The following RAB33B variants were observed in gnomAD, a reference collection of about 807,000 sequenced individuals.
RAB33B encodes the protein ras-related protein Rab-33B.
Under a neutral mutation model 15.0 loss-of-function variants are expected in RAB33B, and 6 were observed. The ratio of observed to expected loss-of-function variants is 0.40; its 90% confidence interval spans 0.22 to 0.79. RAB33B has a LOEUF of 0.79. RAB33B is among the 30% of genes least tolerant of loss of function. RAB33B has a pLI of 0.37. For synonymous variants in RAB33B, 117 were observed against 108.3 expected, an observed-to-expected ratio of 1.08 and a Z score of -0.50; for missense variants, 257 against 296.4, an observed-to-expected ratio of 0.87 and a Z score of 0.98.
chr4:139,462,430 T>C (rs1750191571), intron 1 of RAB33B, among the ~76,000 whole-genome samples: 1 of 152,230 alleles, frequency 6.6e-6, no homozygotes, highest in Non-Finnish European at 1.5e-5. Flanking sequence ...CTCTTTTTGC[T>C]TGACCTAAAA....
At chr4:139,466,537 T>C (rs1561006007) in intron 1 of RAB33B, among the ~76,000 whole-genome samples, 1 of 152,090 alleles carries the variant, frequency 6.6e-6, no homozygotes, top group African/African-American at 2.4e-5. Flanking sequence ...AAAATATCTT[T>C]CTAAATGCTA....
Position 139,472,766 on chromosome 4 carries a change from T to G in RAB33B, c.330T>G (p.Val110=), listed in dbSNP as rs1424339949. 1 of 1,613,996 alleles carries G rather than the reference T, an allele frequency of 6.2e-7. No homozygotes were observed. Among genetic ancestry groups the G allele is most frequent in the Non-Finnish European group, 8.5e-7 (1 of 1,179,932 alleles). Residue 110 remains valine (V), a synonymous_variant, in exon 2 of 2, where the codon GTT becomes GTG. Coordinates refer to ENST00000305626, the MANE Select transcript of RAB33B (RefSeq NM_031296.3). The part of the protein sequence containing the change: ...VQHYYRNVHA[V]VFVYDMTNMA... ...ACTACTACAGAAATGTACATGCTGTTGTCTTCGTGTATGATATGACCAACA... is the reference window on the plus strand; with the variant it reads ...ACTACTACAGAAATGTACATGCTGTGGTCTTCGTGTATGATATGACCAACA...
intron 1 of RAB33B, among the ~76,000 whole-genome samples, chr4:139,471,374 TCTC>T (rs1441515185): frequency 2.0e-5 from 3 of 152,160 alleles, no homozygotes; most frequent in Non-Finnish European, 4.4e-5. Flanking sequence ...CCAGAGAGGC[TCTC>T]TGTACCACAC....
chr4:139,454,275 C>T lies in RAB33B; in HGVS notation c.80C>T (p.Pro27Leu), dbSNP rs765290544. The T allele has an allele frequency of 6.2e-7, 1 of 1,614,160 alleles. No individual in the cohort carries two copies. Among genetic ancestry groups the T allele is most frequent in the South Asian group, 1.1e-5 (1 of 91,084 alleles). ...GAVSGASGFL[P>L]PARSRIFKII... is the part of the protein sequence containing the mutation. The stretch of plus-strand genomic sequence containing the variant: ...GTGTCAGGGGCCTCAGGGTTTTTGC[C>T]TCCTGCCCGCTCCCGCATCTTCAAG... Residue 27 changes from proline (P) to leucine (L), a missense_variant, in exon 1 of 2, where the codon CCT becomes CTT. By Grantham distance (98) the Pro-to-Leu change is moderately conservative. Transcript: ENST00000305626.
intron 1 of RAB33B, 75 bp downstream of exon 1, chr4:139,454,519 G>T (rs1579172107): frequency 6.7e-7 from 1 of 1,498,092 alleles, no homozygotes; most frequent in East Asian, 2.3e-5. Flanking sequence ...GTCGCTGGCC[G>T]TGTGCACGGT....
the RAB33B span, among the ~76,000 whole-genome samples, chr4:139,442,257 T>C: frequency 6.6e-6 from 1 of 152,246 alleles, no homozygotes; most frequent in African/African-American, 2.4e-5. Context: ...CTGCAAGTTA[T>C]AAAGTTTAAT....
Position 139,472,873 on chromosome 4 carries a change from T to C in RAB33B, c.437T>C (p.Val146Ala). 1 of 1,614,162 alleles carries C rather than the reference T, an allele frequency of 6.2e-7. No homozygotes were observed. The highest frequency in any genetic ancestry group is 8.5e-7 in the Non-Finnish European group (1 of 1,180,032). Residue 146 changes from valine to alanine, a missense_variant, in exon 2 of 2, where the codon GTT (valine) becomes GCT (alanine). Coordinates refer to ENST00000305626, the MANE Select transcript of RAB33B (RefSeq NM_031296.3). ...GCCAATGATATACCACGGATTCTTG[T>C]TGGAAATAAATGTGACTTGAGAAGT... ...LLANDIPRIL[V>A]GNKCDLRSAI...
chr4:139,444,818 T>C, the RAB33B span, among the ~76,000 whole-genome samples: 3 of 152,160 alleles, frequency 2.0e-5, no homozygotes, highest in Non-Finnish European at 2.9e-5. Context: ...AACCCCCACA[T>C]TGGCTCCCTG....
intron 1 of RAB33B, among the ~76,000 whole-genome samples, chr4:139,468,280 G>A (rs890296296): frequency 7.2e-5 from 11 of 152,040 alleles, no homozygotes; most frequent in African/African-American, 2.7e-4. Context: ...AACAGCATGG[G>A]AAATACCTGC....
chr4:139,459,823 G>A (rs564598885), intron 1 of RAB33B, among the ~76,000 whole-genome samples: 7 of 152,042 alleles, frequency 4.6e-5, no homozygotes, highest in African/African-American at 7.2e-5. Flanking sequence ...TAGTAGAGAC[G>A]GGGTTTCACC....
chr4:139,457,484 T>TCCTA (rs1250113849), intron 1 of RAB33B, among the ~76,000 whole-genome samples: 6 of 152,198 alleles, frequency 3.9e-5, no homozygotes, highest in African/African-American at 1.4e-4. Context: ...GGTCAGCAGG[T>TCCTA]CCTACTTGAA....
rs1034590748 is a variant in RAB33B at position 139,475,489 on chromosome 4, A to G, written c.*2363A>G. On this transcript the variant is annotated 3_prime_UTR_variant, in exon 2 of 2. Transcript: ENST00000305626. ...GTAACAATTTGTTTTAATTTTTTAT[A>G]TATATGTTTTTATTTTTAAAAAACA... 4 of 152,056 alleles carry G rather than the reference A, an allele frequency of 2.6e-5. No homozygotes were observed. Among genetic ancestry groups the G allele is most frequent in the South Asian group, 2.1e-4 (1 of 4,830 alleles). 9.4% of individuals were successfully genotyped at this position (152,056 alleles called of 1,614,324 possible).
rs138534367 is a variant in RAB33B at position 139,454,330 on chromosome 4, C to G, written c.135C>G (p.Gly45=). The stretch of plus-strand genomic sequence containing the variant: ...TCGTGATCGGCGACTCCAATGTGGG[C>G]AAGACATGCCTGACCTACCGCTTCT... The part of the protein sequence containing the change: ...KIIVIGDSNV[G]KTCLTYRFCA... The change falls in exon 1 of 2, where the codon GGC becomes GGG. Residue 45 remains glycine (G), a synonymous_variant. Coordinates refer to ENST00000305626, the MANE Select transcript of RAB33B (RefSeq NM_031296.3). The G allele has an allele frequency of 1.3e-4, 210 of 1,614,164 alleles. No homozygotes were observed. In the African/African-American group the frequency reaches 2.7e-3, roughly 20 times the overall value.
rs752421185 is a variant in RAB33B at position 139,474,319 on chromosome 4, C to CT, written c.*1194dup. 2 of 152,156 alleles carry CT rather than the reference C, an allele frequency of 1.3e-5. No individual in the cohort carries two copies. The highest frequency in any genetic ancestry group is 2.9e-5 in the Non-Finnish European group (2 of 68,026). 9.4% of individuals were successfully genotyped at this position (152,156 alleles called of 1,614,324 possible). ...TTTGGTATATTTAAACAGTGAAAAACTAACTGAAAGCACATGAAGAGTTGT... is the reference window on the plus strand; with the variant it reads ...TTTGGTATATTTAAACAGTGAAAAACTTAACTGAAAGCACATGAAGAGTTGT... On this transcript the variant is annotated 3_prime_UTR_variant, in exon 2 of 2. Transcript: ENST00000305626.
At chr4:139,469,610 C>G (rs1750353946) in intron 1 of RAB33B, among the ~76,000 whole-genome samples, 1 of 152,206 alleles carries the variant, frequency 6.6e-6, no homozygotes. Context: ...GTGGTCTTCA[C>G]TGTCTGGGCT....
the RAB33B span, among the ~76,000 whole-genome samples, chr4:139,448,171 A>T: frequency 6.6e-6 from 1 of 152,326 alleles, no homozygotes; most frequent in South Asian, 2.1e-4. Context: ...ATAAAAGCCC[A>T]GTCCAGAAAG....
In RAB33B at chr4:139,464,386, GTTTTTTTTTT is replaced by G. The variant is rs372330119; in HGVS notation, c.250-8283_250-8274del. 4.3e-3 allele frequency among the ~76,000 whole-genome samples: 438 copies of G among 101,782 alleles called. 11 individuals are homozygous for G. The highest frequency in any genetic ancestry group is 0.037 in the Admixed American group (298 of 7,986). The allele number at this position is 101,782 out of a possible 152,430, so 66.8% of individuals were successfully genotyped here. A position where few individuals can be genotyped will look rare whatever the true frequency, so the allele number is the denominator to read the frequency against. ...CGGGATTGATGGGAAGAGGAATACT[GTTTTTTTTTT>G]TTTTTTTTTTTTTTTTATACTTTAA... On this transcript the variant is annotated intron_variant, in intron 1 of 1. Transcript: ENST00000305626.
chr4:139,458,620 T>C (rs1267635751), intron 1 of RAB33B, among the ~76,000 whole-genome samples: 1 of 152,246 alleles, frequency 6.6e-6, no homozygotes, highest in East Asian at 1.9e-4. Flanking sequence ...TAGTGTTACA[T>C]GGTATGTATA....
chr4:139,459,927 G>A (rs569607116), intron 1 of RAB33B, among the ~76,000 whole-genome samples: 105 of 152,236 alleles, frequency 6.9e-4, no homozygotes, highest in African/African-American at 2.4e-3. Context: ...CACCGTGTCC[G>A]GCCTAGTTCA....
Sources: gnomAD v4.1 joint callset for allele counts (sites outside exome capture counted in the v4.1 genomes callset) on GRCh38, gnomAD v4.1.1 for gene constraint, MANE v1.5 for transcripts, NCBI Gene and HGNC (gene_info 2026-07-23, HGNC 2026-07-21) for gene names.